The following MGAT4A variants were observed in gnomAD, a reference collection of about 807,000 sequenced individuals.
MGAT4A encodes N-acetylglucosaminyltransferase IVa.
MGAT4A carries 33 observed loss-of-function variants against 74.1 expected under a neutral mutation model. That is an observed-to-expected ratio of 0.45 (90% CI 0.34 to 0.60). The LOEUF (loss-of-function observed/expected upper bound fraction) is 0.60, where lower values mean the gene tolerates loss of function less well. Ranked by LOEUF, MGAT4A falls within the 20% of genes least tolerant of loss-of-function variation. The probability of loss-of-function intolerance (pLI) is 0.02; values close to 1 mark genes in which losing one functional copy is unlikely to be tolerated. For synonymous variants in MGAT4A, 198 were observed against 210.4 expected (o/e 0.94, Z 0.51); for missense variants, 479 against 628.3 (o/e 0.76, Z 2.54).
At chr2:98,693,407 C>T (rs1486410741) in intron 2 of MGAT4A, among the ~76,000 whole-genome samples, 2 of 152,100 alleles carry the variant, frequency 1.3e-5, no homozygotes, top group Non-Finnish European at 2.9e-5. Context: ...GGAGACATTC[C>T]TTTTCTCGAG....
chr2:98,638,723 T>C (rs189785320), intron 12 of MGAT4A, among the ~76,000 whole-genome samples: 148 of 152,394 alleles, frequency 9.7e-4, no homozygotes, highest in Non-Finnish European at 1.7e-3. Context: ...TAAAACACTT[T>C]TAAAACTTGA....
intron 8 of MGAT4A, among the ~76,000 whole-genome samples, chr2:98,652,586 C>T (rs1701598034): frequency 6.6e-6 from 1 of 152,148 alleles, no homozygotes; most frequent in South Asian, 2.1e-4. Context: ...CCACCTCAGC[C>T]TCCCAAAGTG....
rs1417172259 is a variant in MGAT4A at position 98,657,723 on chromosome 2, AAAT to A, written c.584+492_584+494del. Among the ~76,000 whole-genome samples, 10 of 152,318 alleles carry A rather than the reference AAAT, an allele frequency of 6.6e-5. No homozygotes were observed. The East Asian group carries it at 1.4e-3, about 21-fold the overall frequency. ...GAAACTATTAAGGCAATATTATAAA[AAAT>A]AATATCTGAAACTTACTAAGCTTTC... On this transcript the variant is annotated intron_variant, in intron 6 of 15. Transcript: ENST00000393487.
At chr2:98,645,691 T>C (rs1225096327) in intron 8 of MGAT4A, 149 bp from the exon 9 acceptor site, 4 of 680,728 alleles carry the variant, frequency 5.9e-6, no homozygotes, top group Non-Finnish European at 8.6e-6. Flanking sequence ...CTAGATATTA[T>C]TAAAAGAAAG....
intron 2 of MGAT4A, among the ~76,000 whole-genome samples, chr2:98,682,112 A>G (rs1252500626): frequency 6.6e-6 from 1 of 152,208 alleles, no homozygotes; most frequent in African/African-American, 2.4e-5. Flanking sequence ...TGTAGAAGAA[A>G]TAATGAACAT....
chr2:98,660,595 T>C (rs1356974766), intron 5 of MGAT4A, among the ~76,000 whole-genome samples: 1 of 152,090 alleles, frequency 6.6e-6, no homozygotes, highest in Non-Finnish European at 1.5e-5. Context: ...CACTGGCCAA[T>C]GGAACAGAAT....
chr2:98,629,155 G>A (rs2104214501), intron 14 of MGAT4A, among the ~76,000 whole-genome samples: 1 of 152,322 alleles, frequency 6.6e-6, no homozygotes, highest in East Asian at 1.9e-4. Context: ...AGGGCCAGAT[G>A]TGCCCCATGG....
At chr2:98,628,940 G>A (rs1701185370) in intron 14 of MGAT4A, among the ~76,000 whole-genome samples, 1 of 152,166 alleles carries the variant, frequency 6.6e-6, no homozygotes, top group Admixed American at 6.5e-5. Context: ...TTGGAGAGAA[G>A]CACACACGCA....
rs1474065619 is a variant in MGAT4A at position 98,621,635 on chromosome 2, T to C, written c.*3931A>G. 4.8e-6 allele frequency: 7 copies of C among 1,473,178 alleles called. No individual in the cohort carries two copies. Among genetic ancestry groups the C allele is most frequent in the African/African-American group, 1.4e-5 (1 of 70,726 alleles). The allele number at this position is 1,473,178 out of a possible 1,614,324, so 91.3% of individuals were successfully genotyped here. ...AGTGGGAGGATATTATACAAGGTCA[T>C]TGGTGGGGGTGTCAGTAGGGGTCAT... is the stretch of plus-strand genomic sequence containing the variant. On this transcript the variant is annotated 3_prime_UTR_variant, in exon 16 of 16. Transcript: ENST00000393487.
At chr2:98,680,109 C>T (rs1234256933) in intron 2 of MGAT4A, among the ~76,000 whole-genome samples, 2 of 149,144 alleles carry the variant, frequency 1.3e-5, no homozygotes, top group Non-Finnish European at 1.5e-5. Flanking sequence ...GGCGCGATCT[C>T]GGCTCACTGC....
At chr2:98,703,206 G>A (rs1450611524) in intron 2 of MGAT4A, among the ~76,000 whole-genome samples, 1 of 152,146 alleles carries the variant, frequency 6.6e-6, no homozygotes, top group East Asian at 1.9e-4. Context: ...GAAGAGACAG[G>A]AAATATAAAA....
intron 2 of MGAT4A, among the ~76,000 whole-genome samples, chr2:98,681,777 A>AC (rs1188035269): frequency 6.6e-6 from 1 of 152,088 alleles, no homozygotes; most frequent in African/African-American, 2.4e-5. Context: ...ACATGGCGAG[A>AC]CCCCAACTCT....
At chr2:98,653,370 A>G (rs1202835547) in intron 8 of MGAT4A, among the ~76,000 whole-genome samples, 2 of 150,978 alleles carry the variant, frequency 1.3e-5, no homozygotes, top group African/African-American at 4.8e-5. Context: ...AAAAAAGCAG[A>G]AAAAAACCCA....
At position 98,619,758 on chromosome 2, in the gene MGAT4A, G is replaced by C. The variant is rs188771996; in HGVS notation, c.*5808C>G. The C allele has an allele frequency of 3.7e-4, 57 of 152,292 alleles. No individual in the cohort carries two copies. The highest frequency in any genetic ancestry group is 1.3e-3 in the African/African-American group (56 of 41,560). The allele number at this position is 152,292 out of a possible 1,614,324, so 9.4% of individuals were successfully genotyped here. A position where few individuals can be genotyped will look rare whatever the true frequency, so the allele number is the denominator to read the frequency against. ...ATCAGGCAAAAGTACCAAACCCTTG[G>C]TTCCAGGACAGTTTGCTAATTACTA... is the stretch of plus-strand genomic sequence containing the variant. On this transcript the variant is annotated 3_prime_UTR_variant, in exon 16 of 16. Transcript: ENST00000393487.
At chr2:98,723,239 A>G (rs558731200) in intron 2 of MGAT4A, among the ~76,000 whole-genome samples, 6 of 152,148 alleles carry the variant, frequency 3.9e-5, no homozygotes, top group Non-Finnish European at 8.8e-5. Context: ...CTGAAAGCTT[A>G]AGGAGATGAA....
At chr2:98,642,646 T>C (rs1402042591) in intron 10 of MGAT4A, among the ~76,000 whole-genome samples, 1 of 152,038 alleles carries the variant, frequency 6.6e-6, no homozygotes, top group Admixed American at 6.5e-5. Flanking sequence ...TTGTAGGAGG[T>C]TAAAGATGAC....
chr2:98,701,460 G>C (rs1428426206), intron 2 of MGAT4A, among the ~76,000 whole-genome samples: 2 of 152,200 alleles, frequency 1.3e-5, no homozygotes, highest in Non-Finnish European at 2.9e-5. Context: ...AATGTTCTCA[G>C]TGTAGTCCCC....
chr2:98,668,133 T>C (rs965256071), intron 4 of MGAT4A, among the ~76,000 whole-genome samples: 6 of 152,204 alleles, frequency 3.9e-5, no homozygotes, highest in African/African-American at 9.7e-5. Flanking sequence ...CTGCAGAAAT[T>C]TGCATAAGTA....
intron 5 of MGAT4A, among the ~76,000 whole-genome samples, chr2:98,662,529 T>G (rs1038918948): frequency 1.3e-5 from 2 of 152,184 alleles, no homozygotes; most frequent in East Asian, 3.8e-4. Flanking sequence ...TTCTATACAA[T>G]AATTAAGAAA....
Sources: allele counts gnomAD v4.1 joint callset (sites outside exome capture counted in the v4.1 genomes callset), GRCh38; gene constraint gnomAD v4.1.1; transcripts MANE v1.5; gene names NCBI Gene and HGNC (gene_info 2026-07-23, HGNC 2026-07-21).